GAB2: variants seen among roughly 807,000 people sequenced by gnomAD.
GAB2 encodes the protein GRB2 associated binding protein 2.
A neutral mutation model predicts 65.5 loss-of-function variants in GAB2; 26 were observed. The observed-to-expected ratio is 0.40, with a 90% confidence interval of 0.29 to 0.55. GAB2 has a LOEUF of 0.55. GAB2 is among the 20% of genes least tolerant of loss of function. The pLI is 0.53. For synonymous variants in GAB2, 321 were observed against 329.6 expected (o/e 0.97, Z 0.28); for missense variants, 884 against 875.8 (o/e 1.01, Z -0.12).
chr11:78,300,131 G>A (rs1045138115), intron 1 of GAB2, among the ~76,000 whole-genome samples: 5 of 151,994 alleles, frequency 3.3e-5, no homozygotes, highest in East Asian at 1.9e-4. Flanking sequence ...CCCTATCCTG[G>A]TGCCAGGCAA....
At chr11:78,345,420 G>A (rs1023502851) in intron 1 of GAB2, among the ~76,000 whole-genome samples, 5 of 152,230 alleles carry the variant, frequency 3.3e-5, no homozygotes, top group African/African-American at 1.2e-4. Flanking sequence ...TAGGAATTTA[G>A]TTGAGAAGAC....
intron 1 of GAB2, among the ~76,000 whole-genome samples, chr11:78,405,902 T>C (rs940635691): frequency 6.6e-6 from 1 of 152,156 alleles, no homozygotes; most frequent in Non-Finnish European, 1.5e-5. Context: ...AGGAGCAGCC[T>C]AGCAAGAGAC....
At chr11:78,258,340 G>C (rs1369878271) in intron 2 of GAB2, among the ~76,000 whole-genome samples, 1 of 152,136 alleles carries the variant, frequency 6.6e-6, no homozygotes, top group Non-Finnish European at 1.5e-5. Context: ...ACAAATGAAA[G>C]AGCAAATATT....
At chr11:78,277,361 TGCCCCCATC>T (rs1866200367) in intron 2 of GAB2, among the ~76,000 whole-genome samples, 4 of 152,214 alleles carry the variant, frequency 2.6e-5, no homozygotes, top group Non-Finnish European at 4.4e-5. Context: ...GAGCCTCTCC[TGCCCCCATC>T]TCACCAGGAA....
At chr11:78,312,305 AC>A (rs1565154966) in intron 1 of GAB2, among the ~76,000 whole-genome samples, 1 of 151,932 alleles carries the variant, frequency 6.6e-6, no homozygotes, top group Non-Finnish European at 1.5e-5. Context: ...CACCACCACC[AC>A]CACCACAACA....
chr11:78,321,318 G>A (rs1160815940), intron 1 of GAB2, among the ~76,000 whole-genome samples: 2 of 152,122 alleles, frequency 1.3e-5, no homozygotes, highest in African/African-American at 4.8e-5. Flanking sequence ...TCCATCCCTG[G>A]CTGATGGAAA....
intron 1 of GAB2, among the ~76,000 whole-genome samples, chr11:78,342,533 C>T (rs535503385): frequency 3.3e-5 from 5 of 151,994 alleles, no homozygotes; most frequent in South Asian, 2.1e-4. Flanking sequence ...CTCAGTCTCC[C>T]GAGTAGCTGG....
intron 1 of GAB2, among the ~76,000 whole-genome samples, chr11:78,368,382 G>C (rs1182288681): frequency 6.6e-6 from 1 of 152,170 alleles, no homozygotes; most frequent in Non-Finnish European, 1.5e-5. Flanking sequence ...TCTGTCACCT[G>C]AAATTCTCAA....
chr11:78,221,618 G>T, intron 8 of GAB2, 59 bp downstream of exon 8: 1 of 1,009,742 alleles, frequency 9.9e-7, no homozygotes, highest in Non-Finnish European at 1.5e-6. Context: ...GTGGGGAACT[G>T]AGGGGTGGGT....
chr11:78,417,258 C>T (rs1857210303), intron 1 of GAB2, among the ~76,000 whole-genome samples: 1 of 152,020 alleles, frequency 6.6e-6, no homozygotes, highest in Non-Finnish European at 1.5e-5. Context: ...CTTTCCCGCC[C>T]TCTCCCCGAC....
chr11:78,309,945 TGTGTGTGTGTGTGTGTGTGTGTGTGTGC>T (rs1289220796), intron 1 of GAB2, among the ~76,000 whole-genome samples: 12 of 138,326 alleles, frequency 8.7e-5, no homozygotes, highest in African/African-American at 4.0e-4. Context: ...TGTGTGTGTG[TGTGTGTGTGTGTGTGTGTGTGTGTGTGC>T]GCGCGCGCCT....
intron 1 of GAB2, among the ~76,000 whole-genome samples, chr11:78,415,497 C>T (rs1857184101): frequency 6.6e-6 from 1 of 152,172 alleles, no homozygotes; most frequent in Non-Finnish European, 1.5e-5. Flanking sequence ...CATACTGTTC[C>T]CCAGAGGCTT....
chr11:78,317,930 G>A (rs1934255859), intron 1 of GAB2, among the ~76,000 whole-genome samples: 1 of 152,132 alleles, frequency 6.6e-6, no homozygotes, highest in Non-Finnish European at 1.5e-5. Flanking sequence ...CACATTGAAG[G>A]TAAAAGAACT....
chr11:78,319,217 A>C (rs115367054), intron 1 of GAB2, among the ~76,000 whole-genome samples: 2,215 of 152,284 alleles, frequency 0.015, 58 homozygotes, highest in African/African-American at 0.051. Flanking sequence ...TTTTTCCTCC[A>C]TTAAACCAGC....
intron 1 of GAB2, among the ~76,000 whole-genome samples, chr11:78,334,206 A>G (rs1855961988): frequency 6.6e-6 from 1 of 152,214 alleles, no homozygotes; most frequent in South Asian, 2.1e-4. Flanking sequence ...CATCATGGAG[A>G]ATAAGGTACC....
chr11:78,405,465 G>A (rs751843791), intron 1 of GAB2, among the ~76,000 whole-genome samples: 4 of 152,076 alleles, frequency 2.6e-5, no homozygotes, highest in African/African-American at 7.2e-5. Context: ...TATATGTGTG[G>A]CACTTAAGCT....
At chr11:78,363,734 A>C (rs1000566616) in intron 1 of GAB2, among the ~76,000 whole-genome samples, 4 of 151,802 alleles carry the variant, frequency 2.6e-5, no homozygotes, top group African/African-American at 9.7e-5. Flanking sequence ...ATAGGCACGC[A>C]CTACTATGAC....
chr11:78,358,328 G>A (rs952531851), intron 1 of GAB2, among the ~76,000 whole-genome samples: 7 of 150,630 alleles, frequency 4.6e-5, no homozygotes, highest in East Asian at 2.0e-4. Flanking sequence ...ATAGCATTAG[G>A]AGATATACCT....
At chr11:78,307,753 G>A (rs951856965) in intron 1 of GAB2, among the ~76,000 whole-genome samples, 4 of 152,220 alleles carry the variant, frequency 2.6e-5, no homozygotes, top group South Asian at 2.1e-4. Flanking sequence ...GGAATAAAGT[G>A]TATGAGTTAT....
Sources: gnomAD v4.1 joint callset for allele counts (sites outside exome capture counted in the v4.1 genomes callset) on GRCh38, gnomAD v4.1.1 for gene constraint, MANE v1.5 for transcripts, NCBI Gene and HGNC (gene_info 2026-07-23, HGNC 2026-07-21) for gene names.